PRKN: variants seen among roughly 807,000 people sequenced by gnomAD.
PRKN encodes the protein parkin RBR E3 ubiquitin protein ligase.
A neutral mutation model predicts 59.5 loss-of-function variants in PRKN; 56 were observed. The ratio of observed to expected loss-of-function variants is 0.94; its 90% CI spans 0.76 to 1.18. PRKN has a LOEUF of 1.18. Among genes scored for constraint, PRKN ranks in the 50% most tolerant of loss-of-function variants. PRKN has a pLI of 0.00. For missense variants in PRKN, 657 were observed against 596.4 expected, an observed-to-expected ratio of 1.10 and a Z score of -1.06; for synonymous variants, 250 against 222.1, an observed-to-expected ratio of 1.13 and a Z score of -1.12.
chr6:161,967,989 G>A (rs958260874), intron 6 of PRKN, among the ~76,000 whole-genome samples: 3 of 152,048 alleles, frequency 2.0e-5, no homozygotes, highest in African/African-American at 7.2e-5. Context: ...TACCTGGGAA[G>A]ATATAAGCCA....
intron 7 of PRKN, among the ~76,000 whole-genome samples, chr6:161,680,216 C>T (rs79810778): frequency 0.043 from 6,579 of 152,256 alleles, 212 homozygotes; most frequent in Middle Eastern, 0.082. Flanking sequence ...CCCCTTTCTC[C>T]TTAATTAGAG....
rs1779329807 is a variant in PRKN, at chr6:161,534,261, G to A, written c.1083+14593C>T. Reference sequence around the variant, plus strand: ...CACTCTGTTCCAGAATCTTCTGCCTGAAATATTTCAGTCACCACTTCCAGG... The same window carrying A: ...CACTCTGTTCCAGAATCTTCTGCCTAAAATATTTCAGTCACCACTTCCAGG... On this transcript the variant is annotated intron_variant, in intron 9 of 11. Transcript: ENST00000366898. Among the ~76,000 whole-genome samples the A allele has an allele frequency of 2.0e-5, 3 of 152,248 alleles. No homozygotes were observed. In the South Asian group the frequency reaches 6.2e-4, roughly 32 times the overall value.
chr6:162,410,048 TA>T (rs1788274055), intron 2 of PRKN, among the ~76,000 whole-genome samples: 1 of 152,244 alleles, frequency 6.6e-6, no homozygotes, highest in South Asian at 2.1e-4. Flanking sequence ...TCAATGAAAA[TA>T]AAATAATAGA....
chr6:161,972,349 C>T (rs1414081866), intron 6 of PRKN, among the ~76,000 whole-genome samples: 2 of 151,788 alleles, frequency 1.3e-5, no homozygotes, highest in Admixed American at 1.3e-4. Flanking sequence ...GCTTCTTAGC[C>T]AACTTCAAAG....
At chr6:162,622,526 TA>T (rs1298226194) in intron 1 of PRKN, among the ~76,000 whole-genome samples, 1 of 152,114 alleles carries the variant, frequency 6.6e-6, no homozygotes, top group Non-Finnish European at 1.5e-5. Flanking sequence ...GACACCTTTT[TA>T]AAAGTTTCTG....
At chr6:162,226,299 C>A (rs1475449225) in intron 3 of PRKN, among the ~76,000 whole-genome samples, 1 of 151,938 alleles carries the variant, frequency 6.6e-6, no homozygotes, top group African/African-American at 2.4e-5. Context: ...CACGCAGGCA[C>A]CAGAAAGGAG....
At chr6:161,608,678 G>A (rs1782376281) in intron 7 of PRKN, among the ~76,000 whole-genome samples, 1 of 151,806 alleles carries the variant, frequency 6.6e-6, no homozygotes, top group Admixed American at 6.6e-5. Context: ...GATTACAGGT[G>A]TGTGCCACCA....
chr6:162,377,633 T>G (rs955030580), intron 2 of PRKN, among the ~76,000 whole-genome samples: 4 of 152,204 alleles, frequency 2.6e-5, no homozygotes, highest in Admixed American at 2.6e-4. Context: ...ATCGGCTCCC[T>G]GATGTCATGC....
intron 7 of PRKN, among the ~76,000 whole-genome samples, chr6:161,695,446 C>T (rs1785979636): frequency 6.6e-6 from 1 of 152,150 alleles, no homozygotes; most frequent in Non-Finnish European, 1.5e-5. Flanking sequence ...CTAGTAACCA[C>T]CCTATTGGGC....
intron 7 of PRKN, among the ~76,000 whole-genome samples, chr6:161,707,977 A>C (rs1786578028): frequency 6.6e-6 from 1 of 152,214 alleles, no homozygotes; most frequent in Non-Finnish European, 1.5e-5. Flanking sequence ...AAAAACAAGA[A>C]AATGACTATC....
intron 7 of PRKN, among the ~76,000 whole-genome samples, chr6:161,649,894 T>C (rs1008165091): frequency 6.6e-6 from 1 of 152,202 alleles, no homozygotes; most frequent in African/African-American, 2.4e-5. Flanking sequence ...GCTAAGGTCA[T>C]AAACATGTCA....
At chr6:161,710,801 CTTCCTTCCCTCCCTCCCTCT>C (rs1383215667) in intron 7 of PRKN, among the ~76,000 whole-genome samples, 1 of 150,676 alleles carries the variant, frequency 6.6e-6, no homozygotes, top group Admixed American at 6.7e-5. Flanking sequence ...TTCTTTCTTC[CTTCCTTCCCTCCCTCCCTCT>C]TTCCTTCCTT....
rs959258603 is a variant in PRKN, at chr6:162,226,580, C to T, written c.413-25328G>A. ...GAGAGAGCCTTGCTCTGTTGCCAGGCTGGAGTGCAGTGCTGCAATCTTGGC... is the reference window on the plus strand; with the variant it reads ...GAGAGAGCCTTGCTCTGTTGCCAGGTTGGAGTGCAGTGCTGCAATCTTGGC... On this transcript the variant is annotated intron_variant, in intron 3 of 11. Coordinates refer to ENST00000366898, the MANE Select transcript of PRKN (RefSeq NM_004562.3). Among the ~76,000 whole-genome samples, 16 of 152,332 alleles carry T rather than the reference C, an allele frequency of 1.1e-4. 1 individual carries two copies. Among genetic ancestry groups the T allele is most frequent in the South Asian group, 2.1e-4 (1 of 4,832 alleles).
At chr6:162,604,690 C>A (rs1781841131) in intron 1 of PRKN, among the ~76,000 whole-genome samples, 1 of 143,238 alleles carries the variant, frequency 7.0e-6, no homozygotes, top group Non-Finnish European at 1.5e-5. Context: ...CTGTTTCTTT[C>A]TCTCTCCTTT....
chr6:162,458,069 C>T (rs1304309350), intron 1 of PRKN, among the ~76,000 whole-genome samples: 3 of 151,628 alleles, frequency 2.0e-5, no homozygotes, highest in Admixed American at 6.6e-5. Context: ...GCCTGGCCAA[C>T]ACGGTTAAAC....
chr6:161,550,475 CT>C lies in PRKN; in HGVS notation c.934-1473del, dbSNP rs763057467. ...CTTATGTCAACATCTATGACGTAAGCTAGGAGCTTATGTCAACATCTATGCA... is the reference window on the plus strand; with the variant it reads ...CTTATGTCAACATCTATGACGTAAGCAGGAGCTTATGTCAACATCTATGCA... On this transcript the variant is annotated intron_variant, in intron 8 of 11. Transcript: ENST00000366898. This position sits in a 1 kb window ranked among gnomAD's most constrained non-coding sequence, Gnocchi z 4.0. 6.6e-6 allele frequency among the ~76,000 whole-genome samples: 1 copy of C among 151,144 alleles called. No homozygotes were observed. The highest frequency in any genetic ancestry group is 1.5e-5 in the Non-Finnish European group (1 of 67,958).
chr6:161,991,357 A>G (rs1781639086), intron 5 of PRKN, among the ~76,000 whole-genome samples: 1 of 152,206 alleles, frequency 6.6e-6, no homozygotes, highest in Non-Finnish European at 1.5e-5. Context: ...CTCAAATGCT[A>G]CTATTACAGA....
At chr6:161,904,756 G>A (rs780561260) in intron 6 of PRKN, among the ~76,000 whole-genome samples, 5 of 152,176 alleles carry the variant, frequency 3.3e-5, no homozygotes, top group Admixed American at 6.5e-5. Context: ...AGGGACTGGG[G>A]ATGGGGGTGT....
intron 6 of PRKN, among the ~76,000 whole-genome samples, chr6:161,880,310 C>A (rs1445173895): frequency 3.9e-5 from 6 of 152,096 alleles, no homozygotes; most frequent in African/African-American, 1.4e-4. Flanking sequence ...ATAAAAATTT[C>A]TATTTCTGGT....
Sources: allele counts gnomAD v4.1 joint callset (sites outside exome capture counted in the v4.1 genomes callset), GRCh38; gene constraint gnomAD v4.1.1; non-coding constraint Gnocchi (gnomAD v3.1); transcripts MANE v1.5; gene names NCBI Gene and HGNC (gene_info 2026-07-23, HGNC 2026-07-21).